Variants in CTNND2 observed in about 807,000 individuals in gnomAD.
CTNND2 encodes catenin delta-2.
CTNND2 carries 22 observed loss-of-function variants against 144.4 expected under a neutral mutation model. The ratio of observed to expected loss-of-function variants is 0.15; its 90% CI spans 0.11 to 0.22. The LOEUF is 0.22. Ranked by LOEUF, CTNND2 falls within the 10% of genes least tolerant of loss-of-function variation. CTNND2 has a pLI of 1.00. For missense variants in CTNND2, 1,353 were observed against 1,618.8 expected, an observed-to-expected ratio of 0.84 and a Z score of 2.82; for synonymous variants, 751 against 695.6, an observed-to-expected ratio of 1.08 and a Z score of -1.25.
At chr5:11,131,848 G>A (rs1057097573) in intron 12 of CTNND2, among the ~76,000 whole-genome samples, 5 of 151,690 alleles carry the variant, frequency 3.3e-5, no homozygotes, top group African/African-American at 1.2e-4. Flanking sequence ...TTCCACATAT[G>A]CAGTCATGTA....
intron 18 of CTNND2, among the ~76,000 whole-genome samples, chr5:10,999,209 T>A (rs772505528): frequency 2.6e-5 from 4 of 152,266 alleles, no homozygotes; most frequent in Non-Finnish European, 4.4e-5. Flanking sequence ...ATATTTTTGT[T>A]ATCTAGCCAG....
chr5:11,721,191 G>T (rs1003752165), intron 2 of CTNND2, among the ~76,000 whole-genome samples: 2 of 152,148 alleles, frequency 1.3e-5, no homozygotes, highest in Non-Finnish European at 2.9e-5. Context: ...GAAACATTAT[G>T]ATAAGCAATA....
At chr5:11,824,295 A>G (rs1006231739) in intron 1 of CTNND2, among the ~76,000 whole-genome samples, 1 of 152,150 alleles carries the variant, frequency 6.6e-6, no homozygotes, top group African/African-American at 2.4e-5. Context: ...CAAAAATTCA[A>G]TCAACAAGTG....
At chr5:11,832,309 G>A (rs1009580918) in intron 1 of CTNND2, among the ~76,000 whole-genome samples, 5 of 151,620 alleles carry the variant, frequency 3.3e-5, no homozygotes, top group East Asian at 1.9e-4. Flanking sequence ...AAAAAAAAAC[G>A]AAAGCTCTGT....
At chr5:11,500,779 T>C (rs115182699) in intron 3 of CTNND2, among the ~76,000 whole-genome samples, 1 of 152,372 alleles carries the variant, frequency 6.6e-6, no homozygotes, top group African/African-American at 2.4e-5. Context: ...ATGCTAAATG[T>C]ATCTCAGAGT....
At chr5:11,547,901 A>G (rs1277091656) in intron 3 of CTNND2, among the ~76,000 whole-genome samples, 1 of 152,230 alleles carries the variant, frequency 6.6e-6, no homozygotes, top group Non-Finnish European at 1.5e-5. Flanking sequence ...CCCGCCCAAG[A>G]AACCACTTGC....
chr5:11,448,070 A>C (rs1764987444), intron 3 of CTNND2, among the ~76,000 whole-genome samples: 2 of 152,130 alleles, frequency 1.3e-5, no homozygotes, highest in African/African-American at 4.8e-5. Context: ...CGAGTGGAGG[A>C]AATGAAGGTG....
At chr5:11,867,060 T>C (rs1795804335) in intron 1 of CTNND2, among the ~76,000 whole-genome samples, 1 of 152,258 alleles carries the variant, frequency 6.6e-6, no homozygotes, top group Non-Finnish European at 1.5e-5. Flanking sequence ...TACCACAAGG[T>C]TCTGATCCAA....
At chr5:11,505,061 C>T (rs2150015132) in intron 3 of CTNND2, among the ~76,000 whole-genome samples, 1 of 152,164 alleles carries the variant, frequency 6.6e-6, no homozygotes, top group East Asian at 1.9e-4. Context: ...GGGCATGAGT[C>T]ATAGCATGAA....
At chr5:11,573,242 T>G (rs985231894) in intron 2 of CTNND2, among the ~76,000 whole-genome samples, 1 of 152,248 alleles carries the variant, frequency 6.6e-6, no homozygotes, top group Non-Finnish European at 1.5e-5. Flanking sequence ...ACTGCCATTA[T>G]GTGCTGTTAT....
At chr5:11,003,570 A>T (rs1187122188) in intron 18 of CTNND2, among the ~76,000 whole-genome samples, 1 of 152,212 alleles carries the variant, frequency 6.6e-6, no homozygotes, top group South Asian at 2.1e-4. Context: ...AATAAACTGA[A>T]GGTAGAATAT....
At chr5:11,556,269 T>G (rs569342178) in intron 3 of CTNND2, among the ~76,000 whole-genome samples, 1 of 152,294 alleles carries the variant, frequency 6.6e-6, no homozygotes, top group East Asian at 1.9e-4. Flanking sequence ...AAGCATATTC[T>G]TCAATATATA....
chr5:11,334,835 C>T (rs187378377), intron 9 of CTNND2, among the ~76,000 whole-genome samples: 6 of 152,254 alleles, frequency 3.9e-5, no homozygotes, highest in East Asian at 3.9e-4. Context: ...AAGGACCCTC[C>T]GGTATGGAAT....
intron 11 of CTNND2, among the ~76,000 whole-genome samples, chr5:11,171,622 G>C (rs1759922046): frequency 6.6e-6 from 1 of 152,186 alleles, no homozygotes; most frequent in Non-Finnish European, 1.5e-5. Flanking sequence ...ATTAGTAAGA[G>C]TCCACTTGGG....
At chr5:11,237,978 T>C (rs2149898724) in intron 9 of CTNND2, among the ~76,000 whole-genome samples, 1 of 152,334 alleles carries the variant, frequency 6.6e-6, no homozygotes, top group South Asian at 2.1e-4. Context: ...TGTTAATACA[T>C]TTTATGCATT....
intron 10 of CTNND2, among the ~76,000 whole-genome samples, chr5:11,202,338 A>C (rs932464159): frequency 5.3e-5 from 8 of 152,224 alleles, no homozygotes; most frequent in Admixed American, 6.5e-5. Context: ...GCTAAAATGA[A>C]AACACAATGT....
In CTNND2 at chr5:11,082,839, A is replaced by G; in HGVS notation, c.2645T>C (p.Val882Ala). The change falls in exon 16 of 22, where the codon GTA becomes GCA. Residue 882 changes from valine to alanine, a missense_variant. Physicochemically the swap from Val to Ala is moderately conservative, Grantham distance 64. Around this residue, in one of 4 missense-constraint regions of CTNND2, gnomAD observed 459 missense variants for 674.3 expected, o/e 0.68. Transcript: ENST00000304623. ...NLAAGSWKWS[V>A]YIRAAVRKEK... ...TTTTCGGACAGCGGCTCGGATATAT[A>G]CTGACCACTGCAAAAACAGGGAAGG... 3.7e-6 allele frequency: 6 copies of G among 1,614,032 alleles called. No individual in the cohort carries two copies. The highest frequency in any genetic ancestry group is 8.5e-7 in the Non-Finnish European group (1 of 1,179,982).
chr5:11,251,763 CTCAGAATT>C (rs1256888012), intron 9 of CTNND2, among the ~76,000 whole-genome samples: 1 of 152,122 alleles, frequency 6.6e-6, no homozygotes, highest in Admixed American at 6.5e-5. Flanking sequence ...AAAGTTTATA[CTCAGAATT>C]TCAGAATTTC....
chr5:11,276,081 T>G (rs1028120231), intron 9 of CTNND2, among the ~76,000 whole-genome samples: 1 of 152,180 alleles, frequency 6.6e-6, no homozygotes, highest in African/African-American at 2.4e-5. Flanking sequence ...TTAAAACAAA[T>G]AAATCATACA....
Sources: allele counts gnomAD v4.1 joint callset (sites outside exome capture counted in the v4.1 genomes callset), GRCh38; gene constraint gnomAD v4.1.1; regional missense constraint gnomAD v4.1.1; transcripts MANE v1.5; gene names NCBI Gene and HGNC (gene_info 2026-07-23, HGNC 2026-07-21).